Variants in KCND3 observed in about 807,000 individuals in gnomAD.
KCND3 encodes the protein potassium voltage-gated channel subfamily D member 3, also known as A-type voltage-gated potassium channel KCND3.
A neutral mutation model predicts 51.1 loss-of-function variants in KCND3; 9 were observed. The observed-to-expected ratio is 0.18, with a 90% CI of 0.11 to 0.31. The LOEUF (loss-of-function observed/expected upper bound fraction) is 0.31, where lower values mean the gene tolerates loss of function less well. KCND3 is among the 10% of genes least tolerant of loss of function. The probability of loss-of-function intolerance (pLI) is 1.00; values close to 1 mark genes in which losing one functional copy is unlikely to be tolerated. For synonymous variants in KCND3, 349 were observed against 368.0 expected (o/e 0.95, Z 0.59); for missense variants, 526 against 903.8 (o/e 0.58, Z 5.36).
intron 2 of KCND3, among the ~76,000 whole-genome samples, chr1:111,935,061 C>T (rs1672155033): frequency 6.6e-6 from 1 of 152,172 alleles, no homozygotes; most frequent in Non-Finnish European, 1.5e-5. Flanking sequence ...AGACTTAAAG[C>T]CAAATCCATC....
intron 2 of KCND3, among the ~76,000 whole-genome samples, chr1:111,891,265 C>A (rs965971504): frequency 1.3e-5 from 2 of 152,028 alleles, no homozygotes; most frequent in East Asian, 1.9e-4. Flanking sequence ...AGAGAATGGG[C>A]AAGAGATGAA....
chr1:111,778,501 C>A lies in KCND3; in HGVS notation c.1462-9G>T. The A allele has an allele frequency of 6.2e-7, 1 of 1,613,114 alleles. No homozygotes were observed. The highest frequency in any genetic ancestry group is 8.5e-7 in the Non-Finnish European group (1 of 1,179,068). ...ACAAGATAGGACAACCCCTACAGGACAACATGCCAACAGAAGATAAAAACA... is the reference window on the plus strand; with the variant it reads ...ACAAGATAGGACAACCCCTACAGGAAAACATGCCAACAGAAGATAAAAACA... On this transcript the variant is annotated splice_polypyrimidine_tract_variant and intron_variant, in intron 5 of 7. Coordinates refer to ENST00000302127, the MANE Select transcript of KCND3 (RefSeq NM_001378969.1).
intron 2 of KCND3, among the ~76,000 whole-genome samples, chr1:111,905,437 C>T (rs1025925040): frequency 2.6e-5 from 4 of 152,200 alleles, no homozygotes; most frequent in South Asian, 2.1e-4. Context: ...TCACAAGGAT[C>T]CCTGGTAAGG....
chr1:111,935,665 A>C (rs1672184451), intron 2 of KCND3, among the ~76,000 whole-genome samples: 1 of 152,164 alleles, frequency 6.6e-6, no homozygotes, highest in Non-Finnish European at 1.5e-5. Flanking sequence ...GAACTGTACT[A>C]AGTCCTTCCC....
intron 2 of KCND3, among the ~76,000 whole-genome samples, chr1:111,816,167 C>T (rs908560075): frequency 1.1e-4 from 16 of 152,228 alleles, no homozygotes; most frequent in East Asian, 1.9e-4. Context: ...AAAGCTCGGC[C>T]GGGTGTGGCC....
At chr1:111,967,136 G>A (rs1376021046) in intron 2 of KCND3, among the ~76,000 whole-genome samples, 3 of 138,282 alleles carry the variant, frequency 2.2e-5, no homozygotes, top group African/African-American at 5.5e-5. Flanking sequence ...GTGAGATTCC[G>A]TCTCAAAAAA....
At chr1:111,850,227 C>G (rs1667747671) in intron 2 of KCND3, among the ~76,000 whole-genome samples, 1 of 152,208 alleles carries the variant, frequency 6.6e-6, no homozygotes, top group Non-Finnish European at 1.5e-5. Context: ...TTCAAATCTC[C>G]TGGCACCCTC....
intron 2 of KCND3, among the ~76,000 whole-genome samples, chr1:111,950,327 C>A (rs1672997748): frequency 6.6e-6 from 1 of 152,098 alleles, no homozygotes; most frequent in South Asian, 2.1e-4. Context: ...ATTTTGTGAC[C>A]TACTAATGGG....
Position 111,977,917 on chromosome 1 carries a change from T to C in KCND3, c.1106+3704A>G, listed in dbSNP as rs148987206. Among the ~76,000 whole-genome samples, 857 of 152,300 alleles carry C rather than the reference T, an allele frequency of 5.6e-3. 4 individuals are homozygous for C. The highest frequency in any genetic ancestry group is 0.011 in the Admixed American group (162 of 15,308). On this transcript the variant is annotated intron_variant, in intron 2 of 7. Coordinates refer to ENST00000302127, the MANE Select transcript of KCND3 (RefSeq NM_001378969.1). ...TTAACTGAGATAATTGAGGATTTAT[T>C]TTATTTATAGCATCAATTATGAGGA...
At chr1:111,888,690 A>G (rs1669682297) in intron 2 of KCND3, among the ~76,000 whole-genome samples, 1 of 151,612 alleles carries the variant, frequency 6.6e-6, no homozygotes, top group Non-Finnish European at 1.5e-5. Context: ...TCAAAAAAAA[A>G]AAAAAAAAAG....
chr1:111,942,449 G>A (rs941639451), intron 2 of KCND3, among the ~76,000 whole-genome samples: 10 of 152,222 alleles, frequency 6.6e-5, no homozygotes, highest in African/African-American at 2.4e-4. Context: ...TGGGATGCCC[G>A]AGTCCATGCC....
Position 111,777,084 on chromosome 1 carries a change from T to A in KCND3, c.1708A>T (p.Met570Leu), listed in dbSNP as rs1664150401. 1 of 1,613,936 alleles carries A rather than the reference T, an allele frequency of 6.2e-7. No homozygotes were observed. The highest frequency in any genetic ancestry group is 1.3e-5 in the African/African-American group (1 of 74,932). ...ATGTGGATCGTGCTGAGCTCTTGCA[T>A]GCTGCGCAGGCGAGTAGCTGGCAGG... Reference protein sequence around the residue: ...SNLPATRLRSMQELSTIHIQG... With the variant: ...SNLPATRLRSLQELSTIHIQG... The change falls in exon 7 of 8, where the codon ATG (methionine) becomes TTG (leucine). Residue 570 changes from methionine (M) to leucine (L), a missense_variant. This residue lies in a region of KCND3 where 266 missense variants were observed against 305.5 expected (regional missense o/e 0.87). Coordinates refer to ENST00000302127, the MANE Select transcript of KCND3 (RefSeq NM_001378969.1).
chr1:111,886,917 C>T (rs568758929), intron 2 of KCND3, among the ~76,000 whole-genome samples: 2 of 152,302 alleles, frequency 1.3e-5, no homozygotes, highest in South Asian at 2.1e-4. Context: ...GGGGTAAACA[C>T]TGCCTGGTCA....
intron 2 of KCND3, among the ~76,000 whole-genome samples, chr1:111,836,939 A>G (rs1667094418): frequency 6.6e-6 from 1 of 152,178 alleles, no homozygotes; most frequent in African/African-American, 2.4e-5. Context: ...TTCTAGTAAG[A>G]GTGTCTTGTA....
chr1:111,841,934 G>T (rs541549144), intron 2 of KCND3, among the ~76,000 whole-genome samples: 1 of 152,344 alleles, frequency 6.6e-6, no homozygotes, highest in Admixed American at 6.5e-5. Flanking sequence ...ACAGGCCTGG[G>T]GGGGTCAGGG....
chr1:111,793,674 T>A (rs1664938020), intron 2 of KCND3, among the ~76,000 whole-genome samples: 1 of 152,154 alleles, frequency 6.6e-6, no homozygotes, highest in South Asian at 2.1e-4. Flanking sequence ...GCAGGGCCCT[T>A]TATCCCATGG....
chr1:111,839,135 T>C (rs774177126), intron 2 of KCND3, among the ~76,000 whole-genome samples: 1 of 152,256 alleles, frequency 6.6e-6, no homozygotes. Flanking sequence ...AACGAGAATC[T>C]TGCTTTTTGA....
At chr1:111,886,493 A>G (rs1296481161) in intron 2 of KCND3, among the ~76,000 whole-genome samples, 2 of 152,220 alleles carry the variant, frequency 1.3e-5, no homozygotes, top group African/African-American at 4.8e-5. Flanking sequence ...CAAACATTTG[A>G]AGGCTTGTCC....
At chr1:111,916,499 C>T (rs1238463466) in intron 2 of KCND3, among the ~76,000 whole-genome samples, 1 of 152,102 alleles carries the variant, frequency 6.6e-6, no homozygotes, top group African/African-American at 2.4e-5. Context: ...TAAGCTTCTA[C>T]TTCTACCTTA....
Sources: allele counts gnomAD v4.1 joint callset (sites outside exome capture counted in the v4.1 genomes callset), GRCh38; gene constraint gnomAD v4.1.1; regional missense constraint gnomAD v4.1.1; transcripts MANE v1.5; gene names NCBI Gene and HGNC (gene_info 2026-07-23, HGNC 2026-07-21).